Variants in AKAP8L observed in about 807,000 individuals in gnomAD.
The protein encoded by AKAP8L is A-kinase anchor protein 8-like.
AKAP8L carries 34 observed loss-of-function variants against 77.5 expected under a neutral mutation model. That is an observed-to-expected ratio of 0.44 (90% CI 0.33 to 0.58). The LOEUF (loss-of-function observed/expected upper bound fraction) is 0.58. Ranked by LOEUF, AKAP8L falls within the 20% of genes least tolerant of loss-of-function variation. The pLI is 0.02. For synonymous variants in AKAP8L, 342 were observed against 340.7 expected (o/e 1.00, Z -0.04); for missense variants, 806 against 887.6 (o/e 0.91, Z 1.17).
intron 2 of AKAP8L, among the ~76,000 whole-genome samples, chr19:15,409,953 T>C (rs1968075675): frequency 7.1e-6 from 1 of 139,934 alleles, no homozygotes. Context: ...TTTGGACTTT[T>C]TTTTTTTTGA....
chr19:15,417,777 A>C (rs990097763), intron 1 of AKAP8L: 3 of 152,198 alleles, frequency 2.0e-5, no homozygotes, highest in African/African-American at 7.2e-5. Context: ...GCAACCACAC[A>C]CGCTCAAGCC....
chr19:15,409,435 A>C (rs1265753121), intron 2 of AKAP8L, among the ~76,000 whole-genome samples: 1 of 152,200 alleles, frequency 6.6e-6, no homozygotes, highest in Non-Finnish European at 1.5e-5. Context: ...AAAATATTTT[A>C]AGTCTTCCCT....
intron 1 of AKAP8L, among the ~76,000 whole-genome samples, chr19:15,412,841 C>G (rs963263699): frequency 5.3e-5 from 8 of 152,314 alleles, no homozygotes; most frequent in South Asian, 2.1e-4. Context: ...TGCGCCCGGC[C>G]AGAAATACAT....
At chr19:15,407,711 G>A (rs1968028245) in intron 2 of AKAP8L, among the ~76,000 whole-genome samples, 1 of 152,176 alleles carries the variant, frequency 6.6e-6, no homozygotes, top group Non-Finnish European at 1.5e-5. Flanking sequence ...TAGGATCTGT[G>A]TTGAAAACTA....
intron 12 of AKAP8L, among the ~76,000 whole-genome samples, chr19:15,389,529 T>C (rs1312532881): frequency 6.6e-6 from 1 of 152,042 alleles, no homozygotes; most frequent in Non-Finnish European, 1.5e-5. Context: ...TCCCAGCACT[T>C]TGGGAGGCCG....
intron 7 of AKAP8L, 32 bp downstream of exon 7, chr19:15,400,762 C>A (rs774007236): frequency 1.9e-6 from 3 of 1,613,186 alleles, no homozygotes; most frequent in Non-Finnish European, 2.5e-6. Flanking sequence ...GCCCTGCCTG[C>A]AGACAGAAAA....
At chr19:15,400,737 T>A in intron 7 of AKAP8L, 57 bp downstream of exon 7, 1 of 1,598,482 alleles carries the variant, frequency 6.3e-7, no homozygotes, top group Non-Finnish European at 8.6e-7. Context: ...AGAGCACCAC[T>A]CTTTAGGCCA....
chr19:15,393,749 C>T (rs537302781), intron 12 of AKAP8L, among the ~76,000 whole-genome samples: 17 of 151,938 alleles, frequency 1.1e-4, no homozygotes, highest in East Asian at 3.9e-4. Flanking sequence ...GGAGAAACCC[C>T]GTCTCTACTA....
chr19:15,391,602 G>A (rs1051042221), intron 12 of AKAP8L, among the ~76,000 whole-genome samples: 57 of 145,098 alleles, frequency 3.9e-4, no homozygotes, highest in South Asian at 1.5e-3. Flanking sequence ...GCAGTGGTGC[G>A]ATCTCAGCTC....
Position 15,401,638 on chromosome 19 carries a change from C to T in AKAP8L, c.363-35G>A, listed in dbSNP as rs1453553375. ...CATGGGGTGAGCATCAGGTGGAGCCCCTCAGGATCCCTCACCTCCAGGCAA... is the reference window on the plus strand; with the variant it reads ...CATGGGGTGAGCATCAGGTGGAGCCTCTCAGGATCCCTCACCTCCAGGCAA... On this transcript the variant is annotated intron_variant, in intron 4 of 13. Transcript: ENST00000397410. The surrounding 1 kb of genome is among the most constrained non-coding windows in gnomAD (Gnocchi z 6.2). 1 of 1,479,422 alleles carries T rather than the reference C, an allele frequency of 6.8e-7. No individual in the cohort carries two copies. Among genetic ancestry groups the T allele is most frequent in the Admixed American group, 2.0e-5 (1 of 49,496 alleles). The allele number at this position is 1,479,422 out of a possible 1,614,324, so 91.6% of individuals were successfully genotyped here. A position where few individuals can be genotyped will look rare whatever the true frequency, so the allele number is the denominator to read the frequency against.
chr19:15,392,129 T>C (rs555289313), intron 12 of AKAP8L, among the ~76,000 whole-genome samples: 2 of 152,350 alleles, frequency 1.3e-5, no homozygotes, highest in East Asian at 3.9e-4. Context: ...CTATAATGCC[T>C]AGCCATAGCT....
chr19:15,395,983 C>CAAAAACAAA (rs1555698365), intron 12 of AKAP8L, among the ~76,000 whole-genome samples: 3 of 40,502 alleles, frequency 7.4e-5, no homozygotes, highest in Non-Finnish European at 1.3e-4. Flanking sequence ...GACTCCGTCT[C>CAAAAACAAA]AAAAAAAAAA....
chr19:15,385,529 C>T (rs896373087), intron 12 of AKAP8L, among the ~76,000 whole-genome samples: 1 of 152,092 alleles, frequency 6.6e-6, no homozygotes, highest in Admixed American at 6.5e-5. Flanking sequence ...CAGAAACAAA[C>T]CTTACTTATA....
At chr19:15,395,983 CAAAAAAA>C (rs751904092) in intron 12 of AKAP8L, among the ~76,000 whole-genome samples, 8 of 40,506 alleles carry the variant, frequency 2.0e-4, no homozygotes, top group East Asian at 1.6e-3. Flanking sequence ...GACTCCGTCT[CAAAAAAA>C]AAAAAAAAAA....
chr19:15,384,701 C>G (rs1027510746), intron 12 of AKAP8L, among the ~76,000 whole-genome samples: 3 of 152,184 alleles, frequency 2.0e-5, no homozygotes, highest in Non-Finnish European at 4.4e-5. Flanking sequence ...CTGGTTAATA[C>G]TAGAATAGAG....
rs1967935999 is a variant in AKAP8L at position 15,403,372 on chromosome 19, G to T, written c.362+103C>A. 3.6e-6 allele frequency: 4 copies of T among 1,116,396 alleles called. No individual in the cohort carries two copies. 69.2% of individuals were successfully genotyped at this position (1,116,396 alleles called of 1,614,324 possible). A position where few individuals can be genotyped will look rare whatever the true frequency, so the allele number is the denominator to read the frequency against. ...GAGCCACAGCAGCACCAAGCAGCGG[G>T]GAGGAAGCAGACACAGAGGGGCACT... On this transcript the variant is annotated intron_variant, in intron 4 of 13. Transcript: ENST00000397410. This position sits in a 1 kb window ranked among gnomAD's most constrained non-coding sequence, Gnocchi z 4.3.
chr19:15,418,442 G>T (rs557531251), intron 1 of AKAP8L, among the ~76,000 whole-genome samples: 12 of 152,194 alleles, frequency 7.9e-5, no homozygotes, highest in African/African-American at 2.7e-4. Flanking sequence ...TAGACAAAAG[G>T]GGGTGGTGGG....
At chr19:15,400,547 G>C in intron 7 of AKAP8L, 189 bp from the exon 8 acceptor site, 1 of 722,788 alleles carries the variant, frequency 1.4e-6, no homozygotes, top group African/African-American at 1.8e-5. Flanking sequence ...ACAAGGCCCG[G>C]CTATGTGCCA....
chr19:15,397,346 A>G lies in AKAP8L; in HGVS notation c.1406-66T>C, dbSNP rs1967797264. The G allele has an allele frequency of 6.3e-7, 1 of 1,590,312 alleles. No homozygotes were observed. The highest frequency in any genetic ancestry group is 1.3e-5 in the African/African-American group (1 of 74,320). Reference sequence around the variant, plus strand: ...CTAAGATAGACCCAGGTGTTCGAGAAAAAAACCACACCAGCTCCTCCTCAA... The same window carrying G: ...CTAAGATAGACCCAGGTGTTCGAGAGAAAAACCACACCAGCTCCTCCTCAA... On this transcript the variant is annotated intron_variant, in intron 11 of 13. Coordinates refer to ENST00000397410, the MANE Select transcript of AKAP8L (RefSeq NM_014371.4). This position sits in a 1 kb window ranked among gnomAD's most constrained non-coding sequence, Gnocchi z 4.7.
Sources: gnomAD v4.1 joint callset for allele counts (sites outside exome capture counted in the v4.1 genomes callset) on GRCh38, gnomAD v4.1.1 for gene constraint, Gnocchi (gnomAD v3.1) non-coding constraint, MANE v1.5 for transcripts, NCBI Gene and HGNC (gene_info 2026-07-23, HGNC 2026-07-21) for gene names.